The following MMS19 variants were observed in gnomAD, a reference collection of about 807,000 sequenced individuals.
The protein encoded by MMS19 is MMS19 cytosolic iron-sulfur assembly component, also known as MMS19 nucleotide excision repair protein homolog.
Under a neutral mutation model 129.8 loss-of-function variants are expected in MMS19, and 77 were observed. That is an observed-to-expected ratio of 0.59 (90% confidence interval 0.49 to 0.72). The LOEUF (loss-of-function observed/expected upper bound fraction) is 0.72, where lower values mean the gene tolerates loss of function less well. Ranked by LOEUF, MMS19 falls within the 30% of genes least tolerant of loss-of-function variation. The probability of loss-of-function intolerance (pLI) is 0.00; values close to 1 mark genes in which losing one functional copy is unlikely to be tolerated. For missense variants in MMS19, 1,168 were observed against 1,266.3 expected, an observed-to-expected ratio of 0.92 and a Z score of 1.18; for synonymous variants, 491 against 502.8, an observed-to-expected ratio of 0.98 and a Z score of 0.31.
rs1389337192 is a variant in MMS19 at position 97,458,807 on chromosome 10, C to T, written c.3058G>A (p.Gly1020Arg). ...CACGACCTAGAAACTCACCACTCCC[C>T]TCTGGCTGACACTGCTTCCTTGCGC... ...LVRKEAVSAR[G>R]EWFLLGSPGS The change falls in exon 30 of 31, where the codon GGG (glycine) becomes AGG (arginine). Residue 1020 changes from glycine to arginine, a missense_variant. Transcript: ENST00000438925. The T allele has an allele frequency of 6.2e-7, 1 of 1,613,880 alleles. No individual in the cohort carries two copies. The highest frequency in any genetic ancestry group is 2.2e-5 in the East Asian group (1 of 44,890).
intron 22 of MMS19, 84 bp downstream of exon 22, chr10:97,461,744 G>A (rs2133308549): frequency 6.5e-7 from 1 of 1,545,670 alleles, no homozygotes; most frequent in South Asian, 1.2e-5. Context: ...GGAAGTAAAA[G>A]ATCAGCTTAG....
At chr10:97,496,964 A>T (rs1490368342) in intron 1 of MMS19, among the ~76,000 whole-genome samples, 1 of 152,246 alleles carries the variant, frequency 6.6e-6, no homozygotes, top group Non-Finnish European at 1.5e-5. Context: ...AATTCTTTAT[A>T]CTTGGCTGGA....
chr10:97,476,629 G>A lies in MMS19; in HGVS notation c.684+54C>T. The A allele has an allele frequency of 1.9e-6, 3 of 1,561,792 alleles. No homozygotes were observed. In the East Asian group the frequency reaches 6.8e-5, roughly 35 times the overall value. Reference sequence around the variant, plus strand: ...CCCTCAGTGCCCAGAACAGGGCTTGGCACATAGCAGACACTCAATAAATAT... The same window carrying A: ...CCCTCAGTGCCCAGAACAGGGCTTGACACATAGCAGACACTCAATAAATAT... On this transcript the variant is annotated intron_variant, in intron 8 of 30. Transcript: ENST00000438925.
chr10:97,488,673 C>A (rs1049717045), intron 1 of MMS19, among the ~76,000 whole-genome samples: 2 of 152,022 alleles, frequency 1.3e-5, no homozygotes, highest in African/African-American at 4.8e-5. Context: ...TGAATAATGA[C>A]AGGAAAAAAG....
chr10:97,498,553 A>C, upstream of MMS19: 25 of 805,410 alleles, frequency 3.1e-5, no homozygotes, highest in East Asian at 6.6e-5. Context: ...GGGGCCTGAA[A>C]TGGGGCGGTG....
chr10:97,459,157 G>A, intron 29 of MMS19, 66 bp downstream of exon 29: 1 of 1,513,142 alleles, frequency 6.6e-7, no homozygotes, highest in Non-Finnish European at 9.0e-7. Context: ...CCTGACTAAG[G>A]CAAAAAGGTA....
chr10:97,480,783 T>A (rs2036651249), intron 3 of MMS19, 159 bp downstream of exon 3: 2 of 647,564 alleles, frequency 3.1e-6, no homozygotes. Flanking sequence ...TCAATTCTAA[T>A]CATCTCTGCC....
Position 97,469,664 on chromosome 10 carries a change from C to A in MMS19, c.906G>T (p.Trp302Cys). The A allele has an allele frequency of 1.2e-6, 2 of 1,613,930 alleles. No homozygotes were observed. Among genetic ancestry groups the A allele is most frequent in the South Asian group, 2.2e-5 (2 of 91,084 alleles). The stretch of plus-strand genomic sequence containing the variant: ...CACTCACCTCTCTGCGGATAGAAGC[C>A]CAAAGGCTGGGGAGGAAGTCCTTCA... ...KELKDFLPSL[W>C]ASIRREVFQT... The change falls in exon 11 of 31, where the codon TGG becomes TGT. Residue 302 changes from tryptophan (W) to cysteine (C), a missense_variant. By Grantham distance (215) the Trp-to-Cys change is radical. Coordinates refer to ENST00000438925, the MANE Select transcript of MMS19 (RefSeq NM_022362.5).
intron 17 of MMS19, 43 bp from the exon 18 acceptor site, chr10:97,465,997 A>C (rs1228049451): frequency 6.2e-7 from 1 of 1,612,334 alleles, no homozygotes; most frequent in Non-Finnish European, 8.5e-7. Context: ...TGTGATAGGA[A>C]GCACGAAGGC....
rs201996306 is a variant in MMS19, at chr10:97,498,398, G to C, written c.-14C>G. ...GGCAGCGGCCATAACGCGAACTAGAGACCGTGGGAGGGGATATGGGCGGTG... is the reference window on the plus strand; with the variant it reads ...GGCAGCGGCCATAACGCGAACTAGACACCGTGGGAGGGGATATGGGCGGTG... On this transcript the variant is annotated 5_prime_UTR_variant, in exon 1 of 31. Coordinates refer to ENST00000438925, the MANE Select transcript of MMS19 (RefSeq NM_022362.5). 2 of 1,578,502 alleles carry C rather than the reference G, an allele frequency of 1.3e-6. No individual in the cohort carries two copies. The highest frequency in any genetic ancestry group is 1.7e-6 in the Non-Finnish European group (2 of 1,170,456).
At chr10:97,472,326 G>C (rs955470902) in intron 8 of MMS19, among the ~76,000 whole-genome samples, 20 of 152,156 alleles carry the variant, frequency 1.3e-4, no homozygotes, top group African/African-American at 4.8e-4. Flanking sequence ...TGCAGCCTCT[G>C]CCTCCAGGAT....
rs1435286117 is a variant in MMS19 at position 97,458,398 on chromosome 10, T to C, written c.*294A>G. Reference sequence around the variant, plus strand: ...CCTGGTCCTCAGGGCCACACTCATATGCACTCACCCCTCAGCAGCATATCG... The same window carrying C: ...CCTGGTCCTCAGGGCCACACTCATACGCACTCACCCCTCAGCAGCATATCG... On this transcript the variant is annotated 3_prime_UTR_variant, in exon 31 of 31. Coordinates refer to ENST00000438925, the MANE Select transcript of MMS19 (RefSeq NM_022362.5). 5.0e-6 allele frequency: 2 copies of C among 403,338 alleles called. No homozygotes were observed. The highest frequency in any genetic ancestry group is 2.0e-5 in the African/African-American group (1 of 49,356). The allele number at this position is 403,338 out of a possible 1,614,324, so 25.0% of individuals were successfully genotyped here. A position where few individuals can be genotyped will look rare whatever the true frequency, so the allele number is the denominator to read the frequency against.
intron 1 of MMS19, among the ~76,000 whole-genome samples, chr10:97,497,908 G>A (rs1204738290): frequency 1.3e-5 from 2 of 152,116 alleles, no homozygotes; most frequent in Non-Finnish European, 1.5e-5. Context: ...AAACAGCATG[G>A]CTTCGTGGCG....
chr10:97,493,001 A>G (rs1589816598), intron 1 of MMS19, among the ~76,000 whole-genome samples: 1 of 152,146 alleles, frequency 6.6e-6, no homozygotes, highest in Non-Finnish European at 1.5e-5. Context: ...GAGCAGAAAG[A>G]CAAACATTCA....
Position 97,459,255 on chromosome 10 carries a change from T to C in MMS19, c.2932A>G (p.Met978Val). The change falls in exon 29 of 31, where the codon ATG (methionine) becomes GTG (valine). Residue 978 changes from methionine (M) to valine (V), a missense_variant. Physicochemically the swap from Met to Val is conservative, Grantham distance 21 (BLOSUM62 1). This residue lies in a region of MMS19 where 831 missense variants were observed against 910.8 expected (regional missense o/e 0.91). Transcript: ENST00000438925. Reference sequence around the variant, plus strand: ...GTGGGCAGGCGAGTGAGAGCATGCATGCACTGCAGTGCGGCGATCCGGACA... The same window carrying C: ...GTGGGCAGGCGAGTGAGAGCATGCACGCACTGCAGTGCGGCGATCCGGACA... Reference protein sequence around the residue: ...MAVRIAALQCMHALTRLPTPV... With the variant: ...MAVRIAALQCVHALTRLPTPV... 1 of 1,613,180 alleles carries C rather than the reference T, an allele frequency of 6.2e-7. No homozygotes were observed. The highest frequency in any genetic ancestry group is 8.5e-7 in the Non-Finnish European group (1 of 1,179,614).
intron 19 of MMS19, among the ~76,000 whole-genome samples, chr10:97,463,354 C>G (rs2032584571): frequency 6.6e-6 from 1 of 152,104 alleles, no homozygotes; most frequent in South Asian, 2.1e-4. Flanking sequence ...GAAACAGGGT[C>G]CCCTGTGTTG....
At chr10:97,470,916 A>G in intron 8 of MMS19, 55 bp from the exon 9 acceptor site, 4 of 1,468,180 alleles carry the variant, frequency 2.7e-6, no homozygotes, top group Non-Finnish European at 3.8e-6. Flanking sequence ...CACCTTGAAC[A>G]CAGGCTCGAA....
At chr10:97,477,744 C>T (rs1293480164) in intron 5 of MMS19, 111 bp downstream of exon 5, 24 of 767,156 alleles carry the variant, frequency 3.1e-5, no homozygotes, top group Non-Finnish European at 5.0e-5. Flanking sequence ...AAAACATTCA[C>T]AAGATCCAAA....
At position 97,462,229 on chromosome 10, in the gene MMS19, G is replaced by A. The variant is rs1040584589; in HGVS notation, c.2013-110C>T. ...TTTGAATTAGGATCACCACGTCAAT[G>A]GGACATGCCCTGATCATTCATGCAT... On this transcript the variant is annotated intron_variant, in intron 20 of 30. Transcript: ENST00000438925. 8 of 741,106 alleles carry A rather than the reference G, an allele frequency of 1.1e-5. No homozygotes were observed. The Admixed American group carries it at 1.7e-4, about 16-fold the overall frequency. 45.9% of individuals were successfully genotyped at this position (741,106 alleles called of 1,614,324 possible).
Sources: gnomAD v4.1 joint callset for allele counts (sites outside exome capture counted in the v4.1 genomes callset) on GRCh38, gnomAD v4.1.1 for gene constraint, gnomAD v4.1.1 regional missense constraint, MANE v1.5 for transcripts, NCBI Gene and HGNC (gene_info 2026-07-23, HGNC 2026-07-21) for gene names.